The following IL1RAP variants were observed in gnomAD, a reference collection of about 807,000 sequenced individuals.
The protein encoded by IL1RAP is interleukin 1 receptor accessory protein.
IL1RAP carries 35 observed loss-of-function variants against 60.7 expected under a neutral mutation model. That is an observed-to-expected ratio of 0.58 (90% CI 0.44 to 0.76). The LOEUF (loss-of-function observed/expected upper bound fraction) is 0.76, where lower values mean the gene tolerates loss of function less well. Among genes scored for constraint, IL1RAP ranks in the 30% least tolerant of loss-of-function variants. The pLI is 0.00. For missense variants in IL1RAP, 572 were observed against 693.9 expected, an observed-to-expected ratio of 0.82 and a Z score of 1.97; for synonymous variants, 268 against 250.9, an observed-to-expected ratio of 1.07 and a Z score of -0.64.
intron 3 of IL1RAP, among the ~76,000 whole-genome samples, chr3:190,571,607 A>G (rs1310011927): frequency 1.3e-5 from 2 of 152,254 alleles, no homozygotes; most frequent in African/African-American, 4.8e-5. Context: ...TATCATATGT[A>G]AAATGACATT....
intron 1 of IL1RAP, among the ~76,000 whole-genome samples, chr3:190,514,706 C>T (rs900335924): frequency 6.6e-6 from 1 of 152,206 alleles, no homozygotes; most frequent in Non-Finnish European, 1.5e-5. Context: ...ACTCCCTCTT[C>T]CCCTGACCTG....
chr3:190,518,389 T>C (rs1270120033), intron 1 of IL1RAP: 1 of 152,248 alleles, frequency 6.6e-6, no homozygotes, highest in East Asian at 1.9e-4. Flanking sequence ...ATTAGTCTGT[T>C]AAATTACGAT....
chr3:190,636,534 T>A (rs1314304195), intron 9 of IL1RAP, among the ~76,000 whole-genome samples: 15 of 152,072 alleles, frequency 9.9e-5, no homozygotes, highest in Admixed American at 9.8e-4. Flanking sequence ...TTTACTTTTT[T>A]AATTAATTAA....
At chr3:190,585,794 A>G (rs1194216626) in intron 3 of IL1RAP, among the ~76,000 whole-genome samples, 1 of 152,104 alleles carries the variant, frequency 6.6e-6, no homozygotes, top group African/African-American at 2.4e-5. Context: ...CCTGGGTGAC[A>G]GAGTGAGACT....
intron 4 of IL1RAP, among the ~76,000 whole-genome samples, chr3:190,608,188 G>GT (rs1265187058): frequency 1.3e-5 from 2 of 152,170 alleles, no homozygotes; most frequent in African/African-American, 4.8e-5. Context: ...TTTTGTCATT[G>GT]TATGACCATC....
downstream of IL1RAP, among the ~76,000 whole-genome samples, chr3:190,654,354 C>A (rs546203740): frequency 6.6e-6 from 1 of 152,184 alleles, no homozygotes; most frequent in African/African-American, 2.4e-5. Flanking sequence ...TGAGAGGCAG[C>A]CTCTTAAGAT....
intron 1 of IL1RAP, chr3:190,555,723 A>G (rs936182969): frequency 3.9e-5 from 6 of 152,214 alleles, no homozygotes; most frequent in African/African-American, 1.4e-4. Context: ...TGCAAGCTTC[A>G]TGAGGAAGGG....
chr3:190,586,549 G>A (rs1200964728), intron 3 of IL1RAP, among the ~76,000 whole-genome samples: 1 of 152,162 alleles, frequency 6.6e-6, no homozygotes, highest in African/African-American at 2.4e-5. Flanking sequence ...AGGGTGATTT[G>A]ATTTTGAGCA....
chr3:190,630,570 TTAAAAC>T (rs1732700701), intron 9 of IL1RAP, among the ~76,000 whole-genome samples: 1 of 152,340 alleles, frequency 6.6e-6, no homozygotes, highest in African/African-American at 2.4e-5. Context: ...CATTACAACT[TTAAAAC>T]TAAATAGCAA....
At chr3:190,514,710 T>C (rs1458078034) in intron 1 of IL1RAP, among the ~76,000 whole-genome samples, 1 of 152,204 alleles carries the variant, frequency 6.6e-6, no homozygotes, top group African/African-American at 2.4e-5. Context: ...CCTCTTCCCC[T>C]GACCTGCTTT....
In IL1RAP at chr3:190,650,891, G is replaced by A; in HGVS notation, c.*2186G>A. On this transcript the variant is annotated 3_prime_UTR_variant, in exon 12 of 12. Coordinates refer to ENST00000447382, the MANE Select transcript of IL1RAP (RefSeq NM_002182.4). The stretch of plus-strand genomic sequence containing the variant: ...AAAGGACCATTCTCTTGCCAATGCT[G>A]CATTCCTTTTGCACTTTTGGATTCC... 1.0e-6 allele frequency: 1 copy of A among 985,342 alleles called. No individual in the cohort carries two copies. The highest frequency in any genetic ancestry group is 4.7e-5 in the South Asian group (1 of 21,286). 61.0% of individuals were successfully genotyped at this position (985,342 alleles called of 1,614,324 possible). A position where few individuals can be genotyped will look rare whatever the true frequency, so the allele number is the denominator to read the frequency against.
chr3:190,546,027 G>A (rs1279690960), intron 1 of IL1RAP, among the ~76,000 whole-genome samples: 1 of 152,080 alleles, frequency 6.6e-6, no homozygotes, highest in Admixed American at 6.6e-5. Flanking sequence ...ATCGATGCCT[G>A]TAGTCACCTC....
intron 1 of IL1RAP, among the ~76,000 whole-genome samples, chr3:190,546,699 C>T (rs1212087415): frequency 6.6e-6 from 1 of 152,072 alleles, no homozygotes; most frequent in Non-Finnish European, 1.5e-5. Context: ...TCATGGGTAC[C>T]ATGGGGGCAG....
intron 3 of IL1RAP, among the ~76,000 whole-genome samples, chr3:190,594,272 T>C (rs1158718628): frequency 6.6e-6 from 1 of 152,132 alleles, no homozygotes; most frequent in Admixed American, 6.5e-5. Context: ...CTCCAAGTAA[T>C]GAGGATATAA....
intron 9 of IL1RAP, among the ~76,000 whole-genome samples, chr3:190,640,931 A>G (rs993438789): frequency 6.6e-6 from 1 of 152,116 alleles, no homozygotes; most frequent in Non-Finnish European, 1.5e-5. Context: ...GTCGTACTAC[A>G]TCATGTCTTT....
intron 3 of IL1RAP, among the ~76,000 whole-genome samples, chr3:190,585,583 G>A (rs760248630): frequency 2.6e-5 from 4 of 152,072 alleles, no homozygotes; most frequent in Admixed American, 6.6e-5. Flanking sequence ...AGGCCGAGGC[G>A]GGTGGATTGC....
intron 5 of IL1RAP, 68 bp downstream of exon 5, chr3:190,609,249 G>T: frequency 9.1e-7 from 1 of 1,099,852 alleles, no homozygotes; most frequent in Non-Finnish European, 1.3e-6. Context: ...TATTTGCTGA[G>T]TTATATTTAT....
chr3:190,561,414 T>C (rs946911170), intron 2 of IL1RAP, among the ~76,000 whole-genome samples: 6 of 152,200 alleles, frequency 3.9e-5, no homozygotes, highest in African/African-American at 1.4e-4. Context: ...GGACTGGCCC[T>C]GGATGTGTGT....
intron 1 of IL1RAP, among the ~76,000 whole-genome samples, chr3:190,545,561 T>C (rs1019040609): frequency 2.4e-4 from 36 of 152,190 alleles, no homozygotes; most frequent in African/African-American, 7.7e-4. Context: ...AAGCAGAAGA[T>C]AGACATTCAG....
Sources: gnomAD v4.1 joint callset for allele counts (sites outside exome capture counted in the v4.1 genomes callset) on GRCh38, gnomAD v4.1.1 for gene constraint, MANE v1.5 for transcripts, NCBI Gene and HGNC (gene_info 2026-07-23, HGNC 2026-07-21) for gene names.